IFT140: variants seen among roughly 807,000 people sequenced by gnomAD.
The protein encoded by IFT140 is intraflagellar transport 140.
IFT140 carries 133 observed loss-of-function variants against 164.6 expected under a neutral mutation model. The observed-to-expected ratio is 0.81, with a 90% CI of 0.70 to 0.93. The LOEUF is 0.93. Ranked by LOEUF, IFT140 falls within the 40% of genes least tolerant of loss-of-function variation. The probability of loss-of-function intolerance (pLI) is 0.00; values close to 1 mark genes in which losing one functional copy is unlikely to be tolerated. For missense variants in IFT140, 2,045 were observed against 1,972.3 expected (o/e 1.04, Z -0.70); for synonymous variants, 860 against 817.3 (o/e 1.05, Z -0.89).
chr16:1,522,724 G>A lies in IFT140; in HGVS notation c.3453+794C>T, dbSNP rs372458423. On this transcript the variant is annotated intron_variant, in intron 26 of 30. Coordinates refer to ENST00000426508, the MANE Select transcript of IFT140 (RefSeq NM_014714.4). ...GTGGTGGCAGGCACCTGTAGTCCCT[G>A]CTACTTGGGAGGCTGAAGCAGGAGA... 3.9e-5 allele frequency among the ~76,000 whole-genome samples: 6 copies of A among 152,242 alleles called. No homozygotes were observed. In the East Asian group the frequency reaches 7.7e-4, roughly 20 times the overall value.
chr16:1,587,235 T>C lies in IFT140; in HGVS notation c.972A>G (p.Gly324=). 9 of 1,612,654 alleles carry C rather than the reference T, an allele frequency of 5.6e-6. No homozygotes were observed. The highest frequency in any genetic ancestry group is 7.6e-6 in the Non-Finnish European group (9 of 1,178,660). ...AGTAACACACACAGTTCATATTCTC[T>C]CCTTTCTCAAAGCCAAACTTCTCAT... is the stretch of plus-strand genomic sequence containing the variant. ...SPDEKFGFEK[G]ENMNCVCYCK... is the part of the protein sequence containing the mutation. The change falls in exon 9 of 31, where the codon GGA becomes GGG. Residue 324 remains glycine (G), a synonymous_variant. Coordinates refer to ENST00000426508, the MANE Select transcript of IFT140 (RefSeq NM_014714.4).
Position 1,520,749 on chromosome 16 carries a change from C to T in IFT140, c.3513G>A (p.Ala1171=), listed in dbSNP as rs763709094. 1.9e-5 allele frequency: 31 copies of T among 1,610,114 alleles called. No homozygotes were observed. The highest frequency in any genetic ancestry group is 1.3e-4 in the South Asian group (12 of 91,010). Reference sequence around the variant, plus strand: ...AGTCCTTGGCCACGGTCATCTTTTCCGCCATCTCCTCGGTGATGCTCATGT... The same window carrying T: ...AGTCCTTGGCCACGGTCATCTTTTCTGCCATCTCCTCGGTGATGCTCATGT... The part of the protein sequence containing the change: ...GQNMSITEEM[A]EKMTVAKDSS... The change falls in exon 27 of 31, where the codon GCG becomes GCA. Residue 1171 remains alanine, a synonymous_variant. Transcript: ENST00000426508.
At chr16:1,545,553 G>A (rs927069999) in intron 19 of IFT140, among the ~76,000 whole-genome samples, 1 of 152,232 alleles carries the variant, frequency 6.6e-6, no homozygotes, top group African/African-American at 2.4e-5. Context: ...AAACAGTCAG[G>A]GAGAGACTGA....
intron 19 of IFT140, among the ~76,000 whole-genome samples, chr16:1,535,614 C>A (rs572047822): frequency 6.6e-6 from 1 of 152,318 alleles, no homozygotes; most frequent in East Asian, 1.9e-4. Flanking sequence ...ACAGCTCCAT[C>A]CCCAACCTGC....
chr16:1,512,397 C>G (rs189968954), intron 30 of IFT140, among the ~76,000 whole-genome samples: 1 of 152,180 alleles, frequency 6.6e-6, no homozygotes, highest in Non-Finnish European at 1.5e-5. Context: ...GCACGTGACC[C>G]CGGGTGGCGC....
intron 14 of IFT140, among the ~76,000 whole-genome samples, chr16:1,569,736 G>A (rs933396137): frequency 6.6e-6 from 1 of 150,588 alleles, no homozygotes; most frequent in Non-Finnish European, 1.5e-5. Flanking sequence ...TACTATAGAT[G>A]CAAGTCACCA....
intron 13 of IFT140, chr16:1,576,654 G>C (rs768115916): frequency 5.3e-5 from 6 of 114,238 alleles, no homozygotes; most frequent in Non-Finnish European, 1.1e-4. Flanking sequence ...AAAAAACTCA[G>C]ACAAACTATG....
In IFT140 at chr16:1,510,966, TCCA is replaced by T. The variant is rs2040122221; in HGVS notation, c.4364_4366del (p.Val1455del). ...CCCTCAGGGGTCGTCATCTGCCTCT[TCCA>T]CCACCTCCTCGTCCAGCTCCCTGGC... On this transcript the variant is annotated inframe_deletion, in exon 31 of 31. Transcript: ENST00000426508. 1.2e-6 allele frequency: 2 copies of T among 1,612,260 alleles called. No homozygotes were observed. The highest frequency in any genetic ancestry group is 1.7e-6 in the Non-Finnish European group (2 of 1,179,512).
rs1476270220 is a variant in IFT140 at position 1,580,526 on chromosome 16, C to A, written c.1524+233G>T. On this transcript the variant is annotated intron_variant, in intron 13 of 30. Coordinates refer to ENST00000426508, the MANE Select transcript of IFT140 (RefSeq NM_014714.4). ...GTGCCTGCTTCCCATTCGCCTCCCACCAGGATTGTAAGTTTCCTGAGGCCT... is the reference window on the plus strand; with the variant it reads ...GTGCCTGCTTCCCATTCGCCTCCCAACAGGATTGTAAGTTTCCTGAGGCCT... 4.4e-5 allele frequency: 19 copies of A among 428,382 alleles called. No homozygotes were observed. The South Asian group carries it at 4.6e-4, about 10-fold the overall frequency. 26.5% of individuals were successfully genotyped at this position (428,382 alleles called of 1,614,324 possible). A position where few individuals can be genotyped will look rare whatever the true frequency, so the allele number is the denominator to read the frequency against.
chr16:1,530,131 A>ATTTTTTTTTT (rs2030295926), intron 19 of IFT140, among the ~76,000 whole-genome samples: 3 of 126,540 alleles, frequency 2.4e-5, no homozygotes, highest in African/African-American at 3.7e-5. Flanking sequence ...CACGACGGGA[A>ATTTTTTTTTT]TCTTTTTTTT....
intron 19 of IFT140, chr16:1,541,086 A>G (rs895987522): frequency 3.0e-6 from 3 of 985,274 alleles, no homozygotes; most frequent in Admixed American, 6.1e-5. Flanking sequence ...CTCCCTCTGA[A>G]GTTCACTCAC....
chr16:1,587,847 T>C lies in IFT140; in HGVS notation c.902+86A>G, dbSNP rs1345239819. 3.3e-5 allele frequency: 33 copies of C among 1,003,250 alleles called. No homozygotes were observed. In the South Asian group the frequency reaches 4.5e-4, roughly 14 times the overall value. 62.1% of individuals were successfully genotyped at this position (1,003,250 alleles called of 1,614,324 possible). A position where few individuals can be genotyped will look rare whatever the true frequency, so the allele number is the denominator to read the frequency against. ...CAGCATCATATGTGCATTTTACATA[T>C]GCTCCATTCCAACACAAAGCTGACT... is the stretch of plus-strand genomic sequence containing the variant. On this transcript the variant is annotated intron_variant, in intron 8 of 30. Transcript: ENST00000426508.
intron 13 of IFT140, chr16:1,580,229 C>T (rs1156818560): frequency 1.3e-5 from 2 of 152,692 alleles, no homozygotes; most frequent in African/African-American, 2.4e-5. Context: ...AAACAGCTGT[C>T]CTAGGATTCA....
intron 13 of IFT140, among the ~76,000 whole-genome samples, chr16:1,576,373 T>C (rs1309965257): frequency 6.6e-6 from 1 of 150,394 alleles, no homozygotes; most frequent in East Asian, 2.0e-4. Context: ...GGGCAGATCA[T>C]GAGGTCAAGA....
intron 4 of IFT140, among the ~76,000 whole-genome samples, chr16:1,596,051 G>A (rs182688394): frequency 9.2e-5 from 14 of 152,288 alleles, no homozygotes; most frequent in African/African-American, 1.9e-4. Context: ...GTGAGGCTCC[G>A]TCTAAAACAA....
chr16:1,525,079 G>A (rs1455772241), intron 22 of IFT140, 152 bp downstream of exon 22: 2 of 1,193,616 alleles, frequency 1.7e-6, no homozygotes, highest in Non-Finnish European at 2.4e-6. Flanking sequence ...GGAGGGCCTG[G>A]CTCAGGGCCC....
At chr16:1,517,569 G>C (rs1241626012) in intron 30 of IFT140, among the ~76,000 whole-genome samples, 1 of 152,220 alleles carries the variant, frequency 6.6e-6, no homozygotes, top group African/African-American at 2.4e-5. Flanking sequence ...TGGTGGGGAT[G>C]AGGAAAACGC....
Position 1,564,552 on chromosome 16 carries a change from C to G in IFT140, c.1902-390G>C, listed in dbSNP as rs1273205697. Among the ~76,000 whole-genome samples, 1 of 152,194 alleles carries G rather than the reference C, an allele frequency of 6.6e-6. No individual in the cohort carries two copies. Among genetic ancestry groups the G allele is most frequent in the East Asian group, 1.9e-4 (1 of 5,200 alleles). On this transcript the variant is annotated intron_variant, in intron 16 of 30. Coordinates refer to ENST00000426508, the MANE Select transcript of IFT140 (RefSeq NM_014714.4). The surrounding 1 kb of genome is among the most constrained non-coding windows in gnomAD (Gnocchi z 5.5). ...CGAGGCTTTGGCTCTGTGGTCATGC[C>G]GGGTTCCTTGTCCCCACCGGTCCCT...
intron 14 of IFT140, among the ~76,000 whole-genome samples, chr16:1,568,566 C>G (rs1191690239): frequency 6.6e-6 from 1 of 152,172 alleles, no homozygotes; most frequent in Non-Finnish European, 1.5e-5. Flanking sequence ...TCCCCTTCCT[C>G]TTGTTCAAGT....
Sources: allele counts gnomAD v4.1 joint callset (sites outside exome capture counted in the v4.1 genomes callset), GRCh38; gene constraint gnomAD v4.1.1; non-coding constraint Gnocchi (gnomAD v3.1); transcripts MANE v1.5; gene names NCBI Gene and HGNC (gene_info 2026-07-23, HGNC 2026-07-21).